SLC35F1: variants seen among roughly 807,000 people sequenced by gnomAD.
SLC35F1 encodes solute carrier family 35 member F1, also known as chromosome 6 open reading frame 169.
A neutral mutation model predicts 48.7 loss-of-function variants in SLC35F1; 14 were observed. The observed-to-expected ratio is 0.29, with a 90% CI of 0.19 to 0.45. SLC35F1 has a LOEUF of 0.45. Ranked by LOEUF, SLC35F1 falls within the 20% of genes least tolerant of loss-of-function variation. The pLI, the probability that SLC35F1 is intolerant of heterozygous loss-of-function variation, is 1.00. For synonymous variants in SLC35F1, 190 were observed against 202.2 expected, an observed-to-expected ratio of 0.94 and a Z score of 0.51; for missense variants, 404 against 500.0, an observed-to-expected ratio of 0.81 and a Z score of 1.83.
chr6:118,297,161 G>A (rs1776196538), intron 7 of SLC35F1, among the ~76,000 whole-genome samples: 7 of 151,996 alleles, frequency 4.6e-5, no homozygotes, highest in Admixed American at 4.6e-4. Context: ...TCATTTCCTT[G>A]ACTTTTACTG....
intron 1 of SLC35F1, among the ~76,000 whole-genome samples, chr6:118,080,111 C>G (rs375642376): frequency 3.0e-4 from 45 of 152,202 alleles, no homozygotes; most frequent in Admixed American, 2.9e-3. Context: ...GCTCCAACTT[C>G]TTTCTTTCTG....
chr6:118,015,514 T>C (rs1777309212), intron 1 of SLC35F1, among the ~76,000 whole-genome samples: 1 of 151,886 alleles, frequency 6.6e-6, no homozygotes, highest in Non-Finnish European at 1.5e-5. Context: ...TCTCATCATT[T>C]AGCTCCCACA....
chr6:118,140,211 G>T (rs181703381), intron 1 of SLC35F1, among the ~76,000 whole-genome samples: 1 of 152,280 alleles, frequency 6.6e-6, no homozygotes, highest in Non-Finnish European at 1.5e-5. Context: ...CCCAAATTTT[G>T]ACATAGGATA....
At chr6:118,166,350 C>T (rs1053550576) in intron 2 of SLC35F1, among the ~76,000 whole-genome samples, 1 of 152,094 alleles carries the variant, frequency 6.6e-6, no homozygotes, top group Non-Finnish European at 1.5e-5. Context: ...TATGGACAAA[C>T]TCAATGGACT....
chr6:118,083,615 T>C (rs1772943577), intron 1 of SLC35F1, among the ~76,000 whole-genome samples: 1 of 152,236 alleles, frequency 6.6e-6, no homozygotes, highest in South Asian at 2.1e-4. Flanking sequence ...GTCACTATTA[T>C]GAAGTCAAGG....
intron 1 of SLC35F1, among the ~76,000 whole-genome samples, chr6:117,980,671 G>C (rs1036750452): frequency 6.6e-6 from 1 of 152,172 alleles, no homozygotes; most frequent in Non-Finnish European, 1.5e-5. Flanking sequence ...CATGAAATAA[G>C]TAATCAGAGT....
chr6:118,166,354 A>C (rs1253059404), intron 2 of SLC35F1, among the ~76,000 whole-genome samples: 2 of 152,142 alleles, frequency 1.3e-5, no homozygotes, highest in South Asian at 4.2e-4. Flanking sequence ...GACAAACTCA[A>C]TGGACTACTG....
intron 1 of SLC35F1, among the ~76,000 whole-genome samples, chr6:117,926,556 T>C (rs1441703053): frequency 2.6e-5 from 4 of 151,932 alleles, no homozygotes; most frequent in Admixed American, 1.3e-4. Context: ...GTGGTGGCAG[T>C]GGGGGTTATA....
intron 1 of SLC35F1, among the ~76,000 whole-genome samples, chr6:118,114,175 C>A (rs935107270): frequency 6.6e-6 from 1 of 152,142 alleles, no homozygotes; most frequent in Non-Finnish European, 1.5e-5. Flanking sequence ...GTTTAAGTGA[C>A]AGAATTGGGG....
chr6:118,291,191 A>G (rs1690662), intron 7 of SLC35F1, among the ~76,000 whole-genome samples: 84,835 of 151,494 alleles, frequency 0.56, 24,137 homozygotes, highest in Middle Eastern at 0.61. Context: ...GTAACATTCA[A>G]AAATGGTTAT....
intron 3 of SLC35F1, among the ~76,000 whole-genome samples, chr6:118,259,807 T>A (rs1775689886): frequency 6.6e-6 from 1 of 151,926 alleles, no homozygotes; most frequent in Non-Finnish European, 1.5e-5. Context: ...TGGAAAAGAG[T>A]TTAGCAATTC....
intron 3 of SLC35F1, among the ~76,000 whole-genome samples, chr6:118,261,497 A>G (rs1775711682): frequency 6.6e-6 from 1 of 152,246 alleles, no homozygotes; most frequent in South Asian, 2.1e-4. Flanking sequence ...ATTAAAGTGC[A>G]CAGTGTCAGA....
chr6:118,095,294 A>G (rs977036884), intron 1 of SLC35F1, among the ~76,000 whole-genome samples: 1 of 152,248 alleles, frequency 6.6e-6, no homozygotes, highest in East Asian at 1.9e-4. Flanking sequence ...AACAGGTGCC[A>G]GCATTGAATA....
At chr6:118,114,489 C>T (rs1773450180) in intron 1 of SLC35F1, among the ~76,000 whole-genome samples, 1 of 151,990 alleles carries the variant, frequency 6.6e-6, no homozygotes, top group African/African-American at 2.4e-5. Context: ...GTTAGTCTTT[C>T]CCCCACAGCT....
At chr6:118,312,673 A>G (rs1266754486) in intron 7 of SLC35F1, among the ~76,000 whole-genome samples, 1 of 152,150 alleles carries the variant, frequency 6.6e-6, no homozygotes, top group East Asian at 1.9e-4. Flanking sequence ...AGAAAGAAAG[A>G]AAAAAACGCT....
intron 1 of SLC35F1, among the ~76,000 whole-genome samples, chr6:117,912,878 T>A (rs1417478072): frequency 1.3e-5 from 2 of 152,214 alleles, no homozygotes; most frequent in East Asian, 3.8e-4. Context: ...AATATACTTG[T>A]CTTTGTGTGA....
intron 1 of SLC35F1, among the ~76,000 whole-genome samples, chr6:118,070,085 G>A (rs558658659): frequency 8.9e-5 from 12 of 134,674 alleles, no homozygotes; most frequent in Admixed American, 1.7e-4. Context: ...GCAGTGAGCC[G>A]AGATTGCGCC....
intron 1 of SLC35F1, among the ~76,000 whole-genome samples, chr6:117,939,289 C>A (rs917834084): frequency 4.6e-5 from 7 of 152,176 alleles, no homozygotes; most frequent in African/African-American, 1.7e-4. Flanking sequence ...GGCCTTTCAA[C>A]CCTAATGAAT....
intron 1 of SLC35F1, among the ~76,000 whole-genome samples, chr6:117,924,992 A>G (rs534612830): frequency 5.3e-5 from 8 of 152,298 alleles, no homozygotes; most frequent in African/African-American, 1.9e-4. Context: ...TACACATTCA[A>G]AAGGAATATA....
Sources: gnomAD v4.1 joint callset for allele counts (sites outside exome capture counted in the v4.1 genomes callset) on GRCh38, gnomAD v4.1.1 for gene constraint, MANE v1.5 for transcripts, NCBI Gene and HGNC (gene_info 2026-07-23, HGNC 2026-07-21) for gene names.